The following IMMP2L variants were observed in gnomAD, a reference collection of about 807,000 sequenced individuals.
IMMP2L encodes mitochondrial inner membrane protease subunit 2.
IMMP2L carries 18 observed loss-of-function variants against 19.3 expected under a neutral mutation model. That is an observed-to-expected ratio of 0.93 (90% CI 0.64 to 1.38). IMMP2L has a LOEUF of 1.38. IMMP2L is among the 40% of genes most tolerant of loss of function. The pLI is 0.00. For missense variants in IMMP2L, 233 were observed against 218.2 expected, an observed-to-expected ratio of 1.07 and a Z score of -0.43; for synonymous variants, 76 against 73.0, an observed-to-expected ratio of 1.04 and a Z score of -0.21.
chr7:111,129,264 T>A (rs1801618681), intron 3 of IMMP2L, among the ~76,000 whole-genome samples: 1 of 152,092 alleles, frequency 6.6e-6, no homozygotes, highest in Non-Finnish European at 1.5e-5. Context: ...ATCACAATGC[T>A]GATTTTCTAG....
At chr7:110,792,827 C>T (rs992502298) in intron 5 of IMMP2L, among the ~76,000 whole-genome samples, 15 of 151,998 alleles carry the variant, frequency 9.9e-5, no homozygotes, top group Admixed American at 2.6e-4. Flanking sequence ...CCTTAAAGAT[C>T]CTCTGTGCTC....
At chr7:111,115,142 A>G (rs1799723834) in intron 3 of IMMP2L, among the ~76,000 whole-genome samples, 1 of 152,174 alleles carries the variant, frequency 6.6e-6, no homozygotes. Context: ...CAAGGTAAAT[A>G]AAAGAGAGGT....
intron 3 of IMMP2L, among the ~76,000 whole-genome samples, chr7:111,467,353 C>T (rs1840770990): frequency 6.6e-6 from 1 of 152,252 alleles, no homozygotes; most frequent in South Asian, 2.1e-4. Context: ...TCTAAAATTT[C>T]CAATTCTATA....
At chr7:110,980,477 G>A (rs4727752) in intron 3 of IMMP2L, among the ~76,000 whole-genome samples, 151,391 of 151,968 alleles carry the variant, frequency 1, 75,409 homozygotes, top group Middle Eastern at 1. Flanking sequence ...CGGCCTCCCA[G>A]AGTGCTGGGA....
At chr7:110,750,796 A>C (rs1053621936) in intron 5 of IMMP2L, among the ~76,000 whole-genome samples, 2 of 152,060 alleles carry the variant, frequency 1.3e-5, no homozygotes, top group Non-Finnish European at 2.9e-5. Context: ...GAAACTAGTG[A>C]GGTGTTTAAT....
intron 5 of IMMP2L, among the ~76,000 whole-genome samples, chr7:110,770,422 T>C (rs1255777129): frequency 1.3e-5 from 2 of 152,162 alleles, no homozygotes; most frequent in African/African-American, 4.8e-5. Flanking sequence ...TTAGGAAACA[T>C]CAGTGAAAAT....
chr7:110,944,857 T>G (rs1423333333), intron 4 of IMMP2L, among the ~76,000 whole-genome samples: 1 of 151,974 alleles, frequency 6.6e-6, no homozygotes, highest in African/African-American at 2.4e-5. Context: ...AACTTATGAA[T>G]GTACTATAAT....
chr7:110,898,138 CAT>C (rs1451339794), intron 4 of IMMP2L, among the ~76,000 whole-genome samples: 2 of 150,952 alleles, frequency 1.3e-5, no homozygotes, highest in Admixed American at 6.6e-5. Context: ...TTACAATAGA[CAT>C]AAAATATTTT....
At chr7:110,918,039 C>T (rs937846945) in intron 4 of IMMP2L, among the ~76,000 whole-genome samples, 2 of 152,176 alleles carry the variant, frequency 1.3e-5, no homozygotes, top group Non-Finnish European at 2.9e-5. Context: ...ATCCACTTTA[C>T]CACCAACAAC....
chr7:111,156,377 CT>C, intron 3 of IMMP2L, among the ~76,000 whole-genome samples: 1 of 152,192 alleles, frequency 6.6e-6, no homozygotes, highest in East Asian at 1.9e-4. Flanking sequence ...TTTTAAGTTA[CT>C]TTACTTTCTA....
chr7:111,290,188 A>G (rs1820933537), intron 3 of IMMP2L, among the ~76,000 whole-genome samples: 1 of 152,170 alleles, frequency 6.6e-6, no homozygotes. Flanking sequence ...TTTTTCTTCA[A>G]ATACAAACAT....
intron 3 of IMMP2L, among the ~76,000 whole-genome samples, chr7:111,475,603 T>C (rs894108111): frequency 7.9e-5 from 12 of 152,068 alleles, no homozygotes; most frequent in African/African-American, 2.9e-4. Context: ...AAACACATCT[T>C]AAGTTGACAA....
intron 1 of IMMP2L, among the ~76,000 whole-genome samples, chr7:111,551,813 G>C (rs1790686276): frequency 6.6e-6 from 1 of 152,022 alleles, no homozygotes. Flanking sequence ...GAAGTACAAA[G>C]CATTAGGTTA....
chr7:111,312,212 A>G (rs1823597744), intron 3 of IMMP2L, among the ~76,000 whole-genome samples: 1 of 152,162 alleles, frequency 6.6e-6, no homozygotes, highest in Admixed American at 6.6e-5. Context: ...TGGTTCCACA[A>G]TAAAGCACTG....
At chr7:111,512,292 G>T (rs1204015604) in intron 2 of IMMP2L, among the ~76,000 whole-genome samples, 1 of 152,052 alleles carries the variant, frequency 6.6e-6, no homozygotes, top group Non-Finnish European at 1.5e-5. Flanking sequence ...ACATTAGTAT[G>T]GTTCTATTTA....
chr7:110,799,735 T>C (rs574376463), intron 5 of IMMP2L, among the ~76,000 whole-genome samples: 17 of 152,062 alleles, frequency 1.1e-4, no homozygotes, highest in Non-Finnish European at 1.9e-4. Context: ...TGTTCAGTGG[T>C]AGCCTTTTCA....
chr7:111,116,940 C>T (rs1185847471), intron 3 of IMMP2L, among the ~76,000 whole-genome samples: 2 of 152,134 alleles, frequency 1.3e-5, no homozygotes, highest in Non-Finnish European at 1.5e-5. Flanking sequence ...AATTTGAATT[C>T]ACATCTGAAT....
chr7:111,354,033 A>C (rs1019733367), intron 3 of IMMP2L, among the ~76,000 whole-genome samples: 1 of 152,108 alleles, frequency 6.6e-6, no homozygotes, highest in South Asian at 2.1e-4. Flanking sequence ...TTACTCAGAG[A>C]GAATGTAAAA....
chr7:111,167,036 C>T (rs781730462), intron 3 of IMMP2L, among the ~76,000 whole-genome samples: 1 of 151,890 alleles, frequency 6.6e-6, no homozygotes, highest in Non-Finnish European at 1.5e-5. Context: ...CCATTCAACC[C>T]ACTACACCAC....
Sources: gnomAD v4.1 joint callset for allele counts (sites outside exome capture counted in the v4.1 genomes callset) on GRCh38, gnomAD v4.1.1 for gene constraint, MANE v1.5 for transcripts, NCBI Gene and HGNC (gene_info 2026-07-23, HGNC 2026-07-21) for gene names.